The following NCOR1 variants were observed in gnomAD, a reference collection of about 807,000 sequenced individuals.
NCOR1 encodes nuclear receptor corepressor 1, also known as protein phosphatase 1, regulatory subunit 109.
A neutral mutation model predicts 288.1 loss-of-function variants in NCOR1; 63 were observed. The observed-to-expected ratio is 0.22, with a 90% confidence interval of 0.18 to 0.27. NCOR1 has a LOEUF of 0.27. Ranked by LOEUF, NCOR1 falls within the 10% of genes least tolerant of loss-of-function variation. NCOR1 has a pLI of 1.00. For missense variants in NCOR1, 2,397 were observed against 3,019.2 expected (o/e 0.79, Z 4.83); for synonymous variants, 1,007 against 1,065.9 (o/e 0.94, Z 1.08).
Position 16,101,544 on chromosome 17 carries a change from T to C in NCOR1, c.2396A>G (p.Asp799Gly), listed in dbSNP as rs759488573. The change falls in exon 20 of 46, where the codon GAT (aspartate) becomes GGT (glycine). Residue 799 changes from aspartate (D) to glycine (G), a missense_variant. Physicochemically the swap from Asp to Gly is moderately conservative, Grantham distance 94. Around this residue, in one of 11 missense-constraint regions of NCOR1, gnomAD observed 1,872 missense variants for 2,187.8 expected, o/e 0.86. Transcript: ENST00000268712. ...SAETAEQMDV[D>G]QQEHSAEEGS... ...CTCTTCAGCACTGTGCTCCTGCTGATCTACATCCATCTGCTCTGCTGTCTC... is the reference window on the plus strand; with the variant it reads ...CTCTTCAGCACTGTGCTCCTGCTGACCTACATCCATCTGCTCTGCTGTCTC... 6.8e-6 allele frequency: 11 copies of C among 1,614,044 alleles called. No homozygotes were observed. The Admixed American group carries it at 1.7e-4, about 24-fold the overall frequency.
At chr17:16,106,875 ATATATATATTTTTTTTTTTTT>A (rs1015743823) in intron 19 of NCOR1, among the ~76,000 whole-genome samples, 5 of 53,358 alleles carry the variant, frequency 9.4e-5, no homozygotes, top group African/African-American at 4.8e-4. Flanking sequence ...ATATATATAT[ATATATATATTTTTTTTTTTTT>A]TTTTTTTTTT....
At chr17:16,166,689 GA>G (rs144347379) in intron 4 of NCOR1, among the ~76,000 whole-genome samples, 1 of 148,126 alleles carries the variant, frequency 6.8e-6, no homozygotes, top group East Asian at 2.0e-4. Flanking sequence ...CAAAAAAAAA[GA>G]AAAAAAAATC....
intron 5 of NCOR1, among the ~76,000 whole-genome samples, chr17:16,162,601 T>C (rs1294182688): frequency 6.6e-6 from 1 of 152,058 alleles, no homozygotes; most frequent in African/African-American, 2.4e-5. Flanking sequence ...GCTAATGTCT[T>C]AAAAATGGAA....
At chr17:16,039,012 G>A (rs902765835) in intron 44 of NCOR1, among the ~76,000 whole-genome samples, 21 of 152,086 alleles carry the variant, frequency 1.4e-4, no homozygotes, top group African/African-American at 5.1e-4. Context: ...CTTGTGATCC[G>A]CCCGCCTCCG....
In NCOR1 at chr17:16,070,350, G is replaced by A; in HGVS notation, c.4328C>T (p.Thr1443Ile). 6.2e-7 allele frequency: 1 copy of A among 1,614,154 alleles called. No homozygotes were observed. Among genetic ancestry groups the A allele is most frequent in the Non-Finnish European group, 8.5e-7 (1 of 1,180,026 alleles). Residue 1443 changes from threonine (T) to isoleucine (I), a missense_variant, in exon 31 of 46, where the codon ACC becomes ATC. Coordinates refer to ENST00000268712, the MANE Select transcript of NCOR1 (RefSeq NM_006311.4). ...GKYEDVKAGE[T>I]VRSRHTSVVS... ...CACTGACGTGTGCCGGGAACGCACG[G>A]TCTCGCCTGCTTTCACATCCTCATA...
intron 3 of NCOR1, among the ~76,000 whole-genome samples, chr17:16,183,426 GT>G (rs2085961347): frequency 6.6e-6 from 1 of 151,052 alleles, no homozygotes; most frequent in African/African-American, 2.4e-5. Context: ...ATCAACAGCA[GT>G]TTTATATACA....
chr17:16,155,369 A>T (rs924857684), intron 6 of NCOR1, among the ~76,000 whole-genome samples: 3 of 121,778 alleles, frequency 2.5e-5, no homozygotes, highest in Non-Finnish European at 5.3e-5. Flanking sequence ...AAAAAAAAAA[A>T]TACACACACA....
At chr17:16,213,851 G>A (rs558169551) in intron 1 of NCOR1, among the ~76,000 whole-genome samples, 1 of 152,100 alleles carries the variant, frequency 6.6e-6, no homozygotes, top group Admixed American at 6.6e-5. Flanking sequence ...TTTCTCCGGG[G>A]GAGTAGTTCA....
At position 16,092,678 on chromosome 17, in the gene NCOR1, TATATATATATATA is replaced by T. The variant is rs1567958870; in HGVS notation, c.2821-633_2821-621del. On this transcript the variant is annotated intron_variant, in intron 21 of 45. Coordinates refer to ENST00000268712, the MANE Select transcript of NCOR1 (RefSeq NM_006311.4). ...ATATATATATATATATATATATATA[TATATATATATATA>T]TATATTTTTTTTTTTTTTTTTTTTT... 5.0e-3 allele frequency among the ~76,000 whole-genome samples: 126 copies of T among 24,996 alleles called. 7 individuals are homozygous for T. The highest frequency in any genetic ancestry group is 0.014 in the African/African-American group (62 of 4,326). 16.4% of individuals were successfully genotyped at this position (24,996 alleles called of 152,430 possible). A position where few individuals can be genotyped will look rare whatever the true frequency, so the allele number is the denominator to read the frequency against.
At chr17:16,083,367 A>C (rs1304730380) in intron 23 of NCOR1, among the ~76,000 whole-genome samples, 1 of 152,020 alleles carries the variant, frequency 6.6e-6, no homozygotes, top group African/African-American at 2.4e-5. Flanking sequence ...AAAAAAAAAA[A>C]ACAAAAACAA....
chr17:16,060,719 G>A (rs989379616), intron 37 of NCOR1, among the ~76,000 whole-genome samples: 3 of 152,092 alleles, frequency 2.0e-5, no homozygotes, highest in Non-Finnish European at 4.4e-5. Context: ...GGAGATAACA[G>A]AAAGATGATT....
intron 1 of NCOR1, among the ~76,000 whole-genome samples, chr17:16,212,692 C>G (rs536980434): frequency 6.6e-6 from 1 of 152,262 alleles, no homozygotes; most frequent in East Asian, 1.9e-4. Context: ...ACATCAACCC[C>G]CAGTCTATCC....
At chr17:16,059,702 G>A (rs2060337829) in intron 37 of NCOR1, among the ~76,000 whole-genome samples, 1 of 152,166 alleles carries the variant, frequency 6.6e-6, no homozygotes, top group South Asian at 2.1e-4. Flanking sequence ...TACAGAATCT[G>A]AGAGCACTGT....
At position 16,215,463 on chromosome 17, in the gene NCOR1, A is replaced by C. The variant is rs2092470869; in HGVS notation, c.-172T>G. 2 of 397,640 alleles carry C rather than the reference A, an allele frequency of 5.0e-6. No individual in the cohort carries two copies. The highest frequency in any genetic ancestry group is 8.9e-6 in the Non-Finnish European group (2 of 225,568). The allele number at this position is 397,640 out of a possible 1,614,324, so 24.6% of individuals were successfully genotyped here. Reference sequence around the variant, plus strand: ...CACCGGGACCTCGTTCGGCGCGGCGAGTCGGACGCTCACTCCAGCCGCCGC... The same window carrying C: ...CACCGGGACCTCGTTCGGCGCGGCGCGTCGGACGCTCACTCCAGCCGCCGC... On this transcript the variant is annotated 5_prime_UTR_variant, in exon 1 of 46. Transcript: ENST00000268712.
chr17:16,125,286 T>C (rs549086227), intron 15 of NCOR1, among the ~76,000 whole-genome samples: 1 of 152,184 alleles, frequency 6.6e-6, no homozygotes, highest in South Asian at 2.1e-4. Flanking sequence ...TCACTTGAAC[T>C]TGGGAGGCAG....
intron 44 of NCOR1, among the ~76,000 whole-genome samples, chr17:16,039,064 C>T (rs1046226241): frequency 7.2e-5 from 11 of 152,242 alleles, no homozygotes; most frequent in Non-Finnish European, 1.0e-4. Context: ...CCACCGCACC[C>T]GGCTGGCTTA....
At chr17:16,182,736 G>C (rs994907750) in intron 3 of NCOR1, among the ~76,000 whole-genome samples, 5 of 152,152 alleles carry the variant, frequency 3.3e-5, no homozygotes, top group African/African-American at 7.2e-5. Context: ...ACAGGTGTGA[G>C]CCACAGTGCC....
chr17:16,158,712 G>A lies in NCOR1; in HGVS notation c.732+48C>T, dbSNP rs373456087. Reference sequence around the variant, plus strand: ...TACATTCAAAACTGAAAAGGGCATCGTCAAGTGGGGTTAAAGGCCTGTGCT... The same window carrying A: ...TACATTCAAAACTGAAAAGGGCATCATCAAGTGGGGTTAAAGGCCTGTGCT... On this transcript the variant is annotated intron_variant, in intron 6 of 45. Transcript: ENST00000268712. The A allele has an allele frequency of 1.3e-5, 15 of 1,164,320 alleles. No individual in the cohort carries two copies. The African/African-American group carries it at 1.4e-4, about 11-fold the overall frequency. 72.1% of individuals were successfully genotyped at this position (1,164,320 alleles called of 1,614,324 possible).
chr17:16,185,865 A>C (rs2086575545), intron 3 of NCOR1, among the ~76,000 whole-genome samples: 2 of 151,808 alleles, frequency 1.3e-5, no homozygotes, highest in African/African-American at 2.4e-5. Context: ...TGAGCCCAGG[A>C]GGTTGAGGCT....
Sources: gnomAD v4.1 joint callset for allele counts (sites outside exome capture counted in the v4.1 genomes callset) on GRCh38, gnomAD v4.1.1 for gene constraint, gnomAD v4.1.1 regional missense constraint, MANE v1.5 for transcripts, NCBI Gene and HGNC (gene_info 2026-07-23, HGNC 2026-07-21) for gene names.